The following METTL25 variants were observed in gnomAD, a reference collection of about 807,000 sequenced individuals.
METTL25 encodes the protein probable methyltransferase-like protein 25.
METTL25 carries 64 observed loss-of-function variants against 71.6 expected under a neutral mutation model. The observed-to-expected ratio is 0.89, with a 90% CI of 0.73 to 1.10. The LOEUF (loss-of-function observed/expected upper bound fraction) is 1.10. Among genes scored for constraint, METTL25 ranks in the 50% least tolerant of loss-of-function variants. The pLI is 0.00. For synonymous variants in METTL25, 287 were observed against 250.3 expected, an observed-to-expected ratio of 1.15 and a Z score of -1.38; for missense variants, 807 against 707.0, an observed-to-expected ratio of 1.14 and a Z score of -1.60.
At chr12:82,431,072 G>C in intron 6 of METTL25, 85 bp downstream of exon 6, 2 of 747,290 alleles carry the variant, frequency 2.7e-6, no homozygotes, top group Non-Finnish European at 4.3e-6. Context: ...TGCATTCAAT[G>C]CCAAATTTTG....
intron 5 of METTL25, among the ~76,000 whole-genome samples, chr12:82,424,206 A>T (rs1257793173): frequency 6.6e-6 from 1 of 152,210 alleles, no homozygotes; most frequent in Non-Finnish European, 1.5e-5. Context: ...CTCTGCAGCC[A>T]TAAAAAATGA....
intron 9 of METTL25, among the ~76,000 whole-genome samples, chr12:82,466,633 T>C (rs1281623903): frequency 6.6e-6 from 1 of 152,122 alleles, no homozygotes; most frequent in Admixed American, 6.6e-5. Flanking sequence ...AGTTTAAATC[T>C]AATGGGTTTT....
chr12:82,373,296 C>A (rs1883468549), intron 1 of METTL25, among the ~76,000 whole-genome samples: 1 of 152,072 alleles, frequency 6.6e-6, no homozygotes, highest in African/African-American at 2.4e-5. Flanking sequence ...TTCTGAAGCT[C>A]CCCATATCCT....
chr12:82,460,821 C>T (rs927995368), intron 9 of METTL25, among the ~76,000 whole-genome samples: 1 of 152,126 alleles, frequency 6.6e-6, no homozygotes, highest in Non-Finnish European at 1.5e-5. Flanking sequence ...AATAATGTAT[C>T]AATACTGGTT....
intron 9 of METTL25, among the ~76,000 whole-genome samples, chr12:82,463,203 A>G (rs1892005974): frequency 6.6e-6 from 1 of 152,028 alleles, no homozygotes; most frequent in Admixed American, 6.6e-5. Flanking sequence ...TATATTCTTT[A>G]ACAAATCACT....
At chr12:82,459,548 G>A (rs1891720204) in intron 9 of METTL25, among the ~76,000 whole-genome samples, 1 of 152,174 alleles carries the variant, frequency 6.6e-6, no homozygotes, top group Non-Finnish European at 1.5e-5. Flanking sequence ...GATTGCTTGA[G>A]CCCAGGAGTT....
chr12:82,455,161 T>TA (rs113706646), intron 8 of METTL25, among the ~76,000 whole-genome samples: 2,281 of 144,674 alleles, frequency 0.016, 31 homozygotes, highest in Middle Eastern at 0.054. Context: ...CCTTTTGGAT[T>TA]AAAAAAAAAA....
chr12:82,389,615 A>G (rs1885383945), intron 2 of METTL25, among the ~76,000 whole-genome samples: 1 of 152,050 alleles, frequency 6.6e-6, no homozygotes, highest in Admixed American at 6.6e-5. Context: ...GAATAGTTTT[A>G]ATGTTCTATG....
At chr12:82,393,366 A>G (rs139745139) in intron 3 of METTL25, among the ~76,000 whole-genome samples, 184 of 152,052 alleles carry the variant, frequency 1.2e-3, no homozygotes, top group African/African-American at 4.4e-3. Context: ...ATTTATTCCT[A>G]GGGATCTTAT....
rs1433141561 is a variant in METTL25, at chr12:82,380,974, T to C, written c.260-5829T>C. On this transcript the variant is annotated intron_variant, in intron 1 of 11. Transcript: ENST00000248306. Reference sequence around the variant, plus strand: ...AGAGGTAAAAACAAGTGCAAAGGCCTGAGTAAGCTCATTCCATGTGGCATC... The same window carrying C: ...AGAGGTAAAAACAAGTGCAAAGGCCCGAGTAAGCTCATTCCATGTGGCATC... Among the ~76,000 whole-genome samples the C allele has an allele frequency of 2.6e-5, 4 of 152,210 alleles. No individual in the cohort carries two copies. In the East Asian group the frequency reaches 7.7e-4, roughly 29 times the overall value.
At chr12:82,405,474 A>C (rs1887017867) in intron 5 of METTL25, among the ~76,000 whole-genome samples, 1 of 152,000 alleles carries the variant, frequency 6.6e-6, no homozygotes, top group Non-Finnish European at 1.5e-5. Flanking sequence ...TTTTTATCTG[A>C]TGTTGGATTC....
chr12:82,411,966 T>A (rs1887588958), intron 5 of METTL25, among the ~76,000 whole-genome samples: 1 of 152,126 alleles, frequency 6.6e-6, no homozygotes, highest in South Asian at 2.1e-4. Context: ...TATGAAGGTT[T>A]ATTTCCTCTT....
intron 5 of METTL25, among the ~76,000 whole-genome samples, chr12:82,418,821 G>A (rs945457528): frequency 6.6e-6 from 1 of 152,126 alleles, no homozygotes; most frequent in Non-Finnish European, 1.5e-5. Flanking sequence ...AGCTGTGAAA[G>A]TGTCACTGAC....
chr12:82,377,236 C>T (rs1159886300), intron 1 of METTL25, among the ~76,000 whole-genome samples: 1 of 152,112 alleles, frequency 6.6e-6, no homozygotes, highest in Admixed American at 6.5e-5. Flanking sequence ...GTAAATATCA[C>T]ATGTGGCTGA....
Position 82,358,641 on chromosome 12 carries a change from T to A in METTL25, c.76T>A (p.Phe26Ile). 6.2e-7 allele frequency: 1 copy of A among 1,614,066 alleles called. No individual in the cohort carries two copies. Among genetic ancestry groups the A allele is most frequent in the South Asian group, 1.1e-5 (1 of 91,082 alleles). The change falls in exon 1 of 12, where the codon TTC (phenylalanine) becomes ATC (isoleucine). Residue 26 changes from phenylalanine to isoleucine, a missense_variant. By Grantham distance (21) the Phe-to-Ile change is conservative. Transcript: ENST00000248306. ...TGCCAAGTTGCAGGGACTGCTGCAG[T>A]TCCTGAGGGATGCCCTGTCCATTTC... ...LRAKLQGLLQ[F>I]LRDALSISNA...
intron 5 of METTL25, among the ~76,000 whole-genome samples, chr12:82,419,042 C>T (rs1158541420): frequency 6.6e-6 from 1 of 152,034 alleles, no homozygotes; most frequent in African/African-American, 2.4e-5. Context: ...TTTAGAAAGA[C>T]GTTTGGCTTA....
intron 1 of METTL25, among the ~76,000 whole-genome samples, chr12:82,363,845 T>C (rs574993886): frequency 2.8e-4 from 42 of 152,246 alleles, no homozygotes; most frequent in African/African-American, 9.9e-4. Context: ...GTGACCCGTA[T>C]TTAGGAAAAA....
chr12:82,360,438 G>T (rs1296236816), intron 1 of METTL25, among the ~76,000 whole-genome samples: 1 of 151,708 alleles, frequency 6.6e-6, no homozygotes, highest in Non-Finnish European at 1.5e-5. Flanking sequence ...TCAAACCTGG[G>T]TCATCTGATT....
chr12:82,425,375 G>A (rs1373863589), intron 5 of METTL25, among the ~76,000 whole-genome samples: 5 of 152,032 alleles, frequency 3.3e-5, no homozygotes, highest in Admixed American at 2.6e-4. Context: ...GGGATGTGGG[G>A]AATGGCAAGA....
Sources: allele counts gnomAD v4.1 joint callset (sites outside exome capture counted in the v4.1 genomes callset), GRCh38; gene constraint gnomAD v4.1.1; transcripts MANE v1.5; gene names NCBI Gene and HGNC (gene_info 2026-07-23, HGNC 2026-07-21).